Variants in R3HDM2 observed in about 807,000 individuals in gnomAD.
The protein encoded by R3HDM2 is R3H domain containing 2.
R3HDM2 carries 38 observed loss-of-function variants against 124.5 expected under a neutral mutation model. That is an observed-to-expected ratio of 0.31 (90% CI 0.24 to 0.40). The LOEUF is 0.40. Among genes scored for constraint, R3HDM2 ranks in the 10% least tolerant of loss-of-function variants. The pLI, the probability that R3HDM2 is intolerant of heterozygous loss-of-function variation, is 1.00. For missense variants in R3HDM2, 869 were observed against 1,236.9 expected, an observed-to-expected ratio of 0.70 and a Z score of 4.46; for synonymous variants, 391 against 448.0, an observed-to-expected ratio of 0.87 and a Z score of 1.61.
chr12:57,358,017 C>A (rs1593847205), intron 2 of R3HDM2, among the ~76,000 whole-genome samples: 1 of 150,160 alleles, frequency 6.7e-6, no homozygotes, highest in East Asian at 2.0e-4. Context: ...TTCTCTCTGT[C>A]ACCCAGGCTG....
rs142760401 is a variant in R3HDM2 at position 57,370,253 on chromosome 12, G to A, written c.-36+25496C>T. Among the ~76,000 whole-genome samples the A allele has an allele frequency of 5.0e-3, 758 of 152,170 alleles. 9 individuals carry two copies. Among genetic ancestry groups the A allele is most frequent in the African/African-American group, 0.017 (724 of 41,532 alleles). On this transcript the variant is annotated intron_variant, in intron 2 of 23. Transcript: ENST00000402412. ...TCTGGAATTTCCCCTGCTTGCACTC[G>A]CGAAGACATACATGCCTGCTTCCCT...
chr12:57,423,370 G>A (rs1019682632), intron 1 of R3HDM2, among the ~76,000 whole-genome samples: 2 of 151,950 alleles, frequency 1.3e-5, no homozygotes, highest in African/African-American at 4.8e-5. Flanking sequence ...GGTGCAGTGA[G>A]TCGACATCAT....
chr12:57,330,592 G>A (rs1490950836), intron 2 of R3HDM2, among the ~76,000 whole-genome samples: 2 of 150,462 alleles, frequency 1.3e-5, no homozygotes, highest in African/African-American at 4.9e-5. Flanking sequence ...TGATCCACCC[G>A]CCTTGGCCTC....
intron 12 of R3HDM2, among the ~76,000 whole-genome samples, chr12:57,284,464 G>A (rs2046885080): frequency 6.6e-6 from 1 of 152,220 alleles, no homozygotes; most frequent in South Asian, 2.1e-4. Context: ...ACTCCTAGAA[G>A]TTGCTATTGC....
Position 57,256,079 on chromosome 12 carries a change from A to G in R3HDM2, c.2548-5T>C. On this transcript the variant is annotated splice_region_variant and splice_polypyrimidine_tract_variant and intron_variant, in intron 22 of 23. Coordinates refer to ENST00000402412, the MANE Select transcript of R3HDM2 (RefSeq NM_001394031.1). ...ATGCTTCAGTCCACTCTGTCCCTTC[A>G]ACATTTGAAAGACGACTCTCATCCC... is the stretch of plus-strand genomic sequence containing the variant. The G allele has an allele frequency of 6.2e-7, 1 of 1,612,412 alleles. No individual in the cohort carries two copies. The highest frequency in any genetic ancestry group is 8.5e-7 in the Non-Finnish European group (1 of 1,178,484).
At chr12:57,345,825 C>T (rs1046421016) in intron 2 of R3HDM2, among the ~76,000 whole-genome samples, 1 of 152,122 alleles carries the variant, frequency 6.6e-6, no homozygotes, top group East Asian at 1.9e-4. Context: ...TTACAGGCAC[C>T]AGCCACCATG....
At chr12:57,317,188 G>GT (rs5798404) in intron 2 of R3HDM2, among the ~76,000 whole-genome samples, 64,017 of 148,426 alleles carry the variant, frequency 0.43, 14,414 homozygotes, top group South Asian at 0.52. Flanking sequence ...GGCTTTTTGT[G>GT]TTTTTTTTTG....
chr12:57,414,093 C>T (rs1054731624), intron 1 of R3HDM2, among the ~76,000 whole-genome samples: 3 of 151,390 alleles, frequency 2.0e-5, no homozygotes, highest in Non-Finnish European at 4.4e-5. Context: ...AAATGATCCA[C>T]CCACCTCAGC....
At chr12:57,297,099 T>C (rs1399212869) in intron 8 of R3HDM2, 3 of 431,240 alleles carry the variant, frequency 7.0e-6, no homozygotes, top group Admixed American at 4.2e-5. Flanking sequence ...ACCTGGATGA[T>C]GTTTGACAAA....
At chr12:57,423,617 C>T (rs1212164690) in intron 1 of R3HDM2, among the ~76,000 whole-genome samples, 3 of 150,280 alleles carry the variant, frequency 2.0e-5, no homozygotes, top group Non-Finnish European at 4.4e-5. Flanking sequence ...TTTGAGACCA[C>T]CCTGGCCAAC....
chr12:57,385,351 C>G (rs2065567834), intron 2 of R3HDM2, among the ~76,000 whole-genome samples: 1 of 148,960 alleles, frequency 6.7e-6, no homozygotes, highest in Non-Finnish European at 1.5e-5. Context: ...ACGCCATTCT[C>G]CTGTCTCAGC....
intron 2 of R3HDM2, among the ~76,000 whole-genome samples, chr12:57,348,762 A>C (rs564142064): frequency 6.7e-6 from 1 of 149,376 alleles, no homozygotes; most frequent in Admixed American, 6.7e-5. Context: ...ACACACCTGT[A>C]GTCCCAGCTA....
intron 2 of R3HDM2, among the ~76,000 whole-genome samples, chr12:57,344,796 C>T (rs970640838): frequency 1.3e-5 from 2 of 151,458 alleles, no homozygotes; most frequent in Admixed American, 1.3e-4. Context: ...AATTTCAACA[C>T]TAAAGGAAAA....
chr12:57,321,406 T>G (rs541419626), intron 2 of R3HDM2, among the ~76,000 whole-genome samples: 1 of 152,108 alleles, frequency 6.6e-6, no homozygotes, highest in Admixed American at 6.5e-5. Context: ...ATCCTAGCAC[T>G]TTGGGAGGCC....
At chr12:57,396,305 G>A (rs984661356) in intron 1 of R3HDM2, among the ~76,000 whole-genome samples, 3 of 151,952 alleles carry the variant, frequency 2.0e-5, no homozygotes, top group African/African-American at 7.3e-5. Flanking sequence ...GCCAGGCACG[G>A]TGGCATGTGC....
At chr12:57,319,546 GTGCGAGTCATAAAGAACAAGCT>G (rs2055944808) in intron 2 of R3HDM2, among the ~76,000 whole-genome samples, 1 of 152,110 alleles carries the variant, frequency 6.6e-6, no homozygotes, top group Non-Finnish European at 1.5e-5. Flanking sequence ...TTAGCCTTCT[GTGCGAGTCATAAAGAACAAGCT>G]TAATCTTGCT....
At chr12:57,368,790 G>A (rs1173482523) in intron 2 of R3HDM2, among the ~76,000 whole-genome samples, 1 of 152,136 alleles carries the variant, frequency 6.6e-6, no homozygotes, top group African/African-American at 2.4e-5. Flanking sequence ...TCCCTTCACT[G>A]TAAGTATAAT....
chr12:57,366,291 ATTATGTGTTGG>A (rs1297274235), intron 2 of R3HDM2, among the ~76,000 whole-genome samples: 1 of 152,038 alleles, frequency 6.6e-6, no homozygotes, highest in Non-Finnish European at 1.5e-5. Context: ...AAGTGCTGGG[ATTATGTGTTGG>A]TATGAGCCAG....
At chr12:57,372,418 G>T (rs1390612397) in intron 2 of R3HDM2, among the ~76,000 whole-genome samples, 1 of 152,126 alleles carries the variant, frequency 6.6e-6, no homozygotes, top group African/African-American at 2.4e-5. Context: ...CGGGGGTGTG[G>T]GGGGAATCAG....
Sources: gnomAD v4.1 joint callset for allele counts (sites outside exome capture counted in the v4.1 genomes callset) on GRCh38, gnomAD v4.1.1 for gene constraint, MANE v1.5 for transcripts, NCBI Gene and HGNC (gene_info 2026-07-23, HGNC 2026-07-21) for gene names.